Variants in HSPA9 observed in about 807,000 individuals in gnomAD.
HSPA9 encodes stress-70 protein, mitochondrial.
HSPA9 carries 28 observed loss-of-function variants against 81.5 expected under a neutral mutation model. That is an observed-to-expected ratio of 0.34 (90% confidence interval 0.25 to 0.47). The LOEUF is 0.47. Ranked by LOEUF, HSPA9 falls within the 20% of genes least tolerant of loss-of-function variation. The pLI is 1.00. For missense variants in HSPA9, 678 were observed against 838.0 expected, an observed-to-expected ratio of 0.81 and a Z score of 2.36; for synonymous variants, 293 against 290.4, an observed-to-expected ratio of 1.01 and a Z score of -0.09.
intron 9 of HSPA9, among the ~76,000 whole-genome samples, chr5:138,562,461 G>C (rs1260742593): frequency 2.0e-5 from 3 of 151,976 alleles, no homozygotes; most frequent in Non-Finnish European, 4.4e-5. Flanking sequence ...TGAGGCAGGA[G>C]AATCGCTTGA....
In HSPA9 at chr5:138,556,612, A is replaced by C; in HGVS notation, c.1822-20T>G. ...GTTGCACTTAAAAAAAGAAAACAAAAATCCTTACTTTTCCAGGTCTCCTGT... is the reference window on the plus strand; with the variant it reads ...GTTGCACTTAAAAAAAGAAAACAAACATCCTTACTTTTCCAGGTCTCCTGT... On this transcript the variant is annotated intron_variant, in intron 15 of 16. Transcript: ENST00000297185. 6.2e-7 allele frequency: 1 copy of C among 1,613,508 alleles called. No individual in the cohort carries two copies. The highest frequency in any genetic ancestry group is 8.5e-7 in the Non-Finnish European group (1 of 1,179,826).
chr5:138,571,647 AT>A (rs565771367), intron 3 of HSPA9, among the ~76,000 whole-genome samples: 2,838 of 141,290 alleles, frequency 0.02, 52 homozygotes, highest in African/African-American at 0.056. Flanking sequence ...TCAAACTACT[AT>A]TTTTTTTTTT....
chr5:138,571,263 C>A, intron 3 of HSPA9, 122 bp from the exon 4 acceptor site: 1 of 939,474 alleles, frequency 1.1e-6, no homozygotes, highest in Admixed American at 2.0e-5. Flanking sequence ...TCACTGCAAC[C>A]TCCGCATCCT....
chr5:138,566,716 T>C lies in HSPA9; in HGVS notation c.882A>G (p.Thr294=), dbSNP rs1427832169. The change falls in exon 9 of 17, where the codon ACA becomes ACG. Residue 294 remains threonine, a splice_region_variant and synonymous_variant. Transcript: ENST00000297185. Reference sequence around the variant, plus strand: ...TGTTGTCTTTAGTCAAATCAACCCCTGTCTATAAAGTGAAGACATTGAACA... The same window carrying C: ...TGTTGTCTTTAGTCAAATCAACCCCCGTCTATAAAGTGAAGACATTGAACA... ...RHIVKEFKRE[T]GVDLTKDNMA... is the part of the protein sequence containing the mutation. 3 of 1,611,798 alleles carry C rather than the reference T, an allele frequency of 1.9e-6. No homozygotes were observed. Among genetic ancestry groups the C allele is most frequent in the Non-Finnish European group, 2.5e-6 (3 of 1,178,070 alleles).
rs1433429274 is a variant in HSPA9 at position 138,566,687 on chromosome 5, G to A, written c.911C>T (p.Ala304Val). ...AGCAGCTTCCCGTACCCTCTGAAGT[G>A]CCATGTTGTCTTTAGTCAAATCAAC... Reference protein sequence around the residue: ...TGVDLTKDNMALQRVREAAEK... With the variant: ...TGVDLTKDNMVLQRVREAAEK... The change falls in exon 9 of 17, where the codon GCA becomes GTA. Residue 304 changes from alanine (A) to valine (V), a missense_variant. Physicochemically the swap from Ala to Val is moderately conservative, Grantham distance 64 (BLOSUM62 0). Transcript: ENST00000297185. The A allele has an allele frequency of 1.9e-6, 3 of 1,613,784 alleles. No homozygotes were observed. The highest frequency in any genetic ancestry group is 1.7e-5 in the Admixed American group (1 of 60,002).
At chr5:138,561,129 T>C (rs1750650407) in intron 10 of HSPA9, 1 of 471,912 alleles carries the variant, frequency 2.1e-6, no homozygotes, top group Non-Finnish European at 4.4e-6. Context: ...GTCAAAGAGA[T>C]GCACTAAGCT....
chr5:138,560,806 C>G, intron 10 of HSPA9: 1 of 394,178 alleles, frequency 2.5e-6, no homozygotes, highest in Non-Finnish European at 4.9e-6. Flanking sequence ...CCTTGGCCTC[C>G]CAAAGTGCTG....
chr5:138,564,129 A>T (rs888990126), intron 9 of HSPA9, among the ~76,000 whole-genome samples: 4 of 152,086 alleles, frequency 2.6e-5, no homozygotes, highest in African/African-American at 9.7e-5. Context: ...TTTGAGACAG[A>T]GTCTCATTCA....
At chr5:138,572,951 A>G (rs1750941264) in intron 3 of HSPA9, among the ~76,000 whole-genome samples, 1 of 151,658 alleles carries the variant, frequency 6.6e-6, no homozygotes, top group East Asian at 1.9e-4. Context: ...GCTGGAGTAC[A>G]GTGATGTGAT....
At chr5:138,557,198 C>G in intron 14 of HSPA9, 2 of 626,024 alleles carry the variant, frequency 3.2e-6, no homozygotes, top group Admixed American at 2.8e-5. Flanking sequence ...CTTTCTTGTT[C>G]AAGCGATTCT....
rs755860133 is a variant in HSPA9 at position 138,575,365 on chromosome 5, G to A, written c.-47C>T. 1.5e-4 allele frequency: 214 copies of A among 1,474,420 alleles called. No individual in the cohort carries two copies. Among genetic ancestry groups the A allele is most frequent in the Non-Finnish European group, 1.4e-4 (148 of 1,058,574 alleles). 91.3% of individuals were successfully genotyped at this position (1,474,420 alleles called of 1,614,324 possible). A position where few individuals can be genotyped will look rare whatever the true frequency, so the allele number is the denominator to read the frequency against. On this transcript the variant is annotated 5_prime_UTR_variant, in exon 1 of 17. Coordinates refer to ENST00000297185, the MANE Select transcript of HSPA9 (RefSeq NM_004134.7). ...GAGGCAGCAAACAAGCGCTCCGACG[G>A]CAAAGAGCTGCGCGATGCGGTGGCG... is the stretch of plus-strand genomic sequence containing the variant.
At chr5:138,564,303 C>T (rs537439982) in intron 9 of HSPA9, among the ~76,000 whole-genome samples, 84 of 152,274 alleles carry the variant, frequency 5.5e-4, no homozygotes, top group Non-Finnish European at 9.7e-4. Context: ...ACGGTTTCAC[C>T]GTGTTGGCGA....
rs1561862954 is a variant in HSPA9, at chr5:138,573,985, GA to G, written c.140+82del. 9.4e-6 allele frequency: 12 copies of G among 1,270,214 alleles called. No individual in the cohort carries two copies. The East Asian group carries it at 2.8e-4, about 30-fold the overall frequency. The allele number at this position is 1,270,214 out of a possible 1,614,324, so 78.7% of individuals were successfully genotyped here. ...AAATAAATACAGATAAATAATTACA[GA>G]GAAGAATAATCACAAATGTAGAAAA... On this transcript the variant is annotated intron_variant, in intron 2 of 16. Coordinates refer to ENST00000297185, the MANE Select transcript of HSPA9 (RefSeq NM_004134.7).
Position 138,574,108 on chromosome 5 carries a change from T to C in HSPA9, c.100A>G (p.Ser34Gly), listed in dbSNP as rs773861384. 6.2e-7 allele frequency: 1 copy of C among 1,613,624 alleles called. No individual in the cohort carries two copies. The highest frequency in any genetic ancestry group is 1.7e-5 in the Admixed American group (1 of 60,000). Residue 34 changes from serine to glycine, a missense_variant, in exon 2 of 17, where the codon AGT becomes GGT. Physicochemically the swap from Ser to Gly is moderately conservative, Grantham distance 56. Around this residue, in one of 4 missense-constraint regions of HSPA9, gnomAD observed 89 missense variants for 70.4 expected, o/e 1.27. Coordinates refer to ENST00000297185, the MANE Select transcript of HSPA9 (RefSeq NM_004134.7). The part of the protein sequence containing the change: ...ARHQDSWNGL[S>G]HEAFRLVSRR... ...GAAACAAGTCTAAAAGCCTCATGAC[T>C]AAGGCCATTCCAGCTATCCTAAAAA...
chr5:138,558,110 G>A, intron 12 of HSPA9, 124 bp from the exon 13 acceptor site: 1 of 747,666 alleles, frequency 1.3e-6, no homozygotes, highest in East Asian at 2.6e-5. Flanking sequence ...GTGATTTAAT[G>A]TACAAAACAC....
At chr5:138,566,188 CAAAAAAAAAA>C (rs1186233815) in intron 9 of HSPA9, among the ~76,000 whole-genome samples, 2 of 59,640 alleles carry the variant, frequency 3.4e-5, no homozygotes, top group African/African-American at 6.3e-5. Flanking sequence ...AACTCTGTCT[CAAAAAAAAAA>C]AAAAAAAAAA....
At chr5:138,556,887 A>C in intron 14 of HSPA9, 21 bp from the exon 15 acceptor site, 1 of 1,573,396 alleles carries the variant, frequency 6.4e-7, no homozygotes, top group South Asian at 1.1e-5. Flanking sequence ...TTAGAAGTTT[A>C]AACGAAGACT....
In HSPA9 at chr5:138,555,780, C is replaced by A. The variant is rs1750506663; in HGVS notation, c.*257G>T. ...AGTTAAATCTTTATAATGATCAATTCATCCTACCTCCTTTTACATGCAGCT... is the reference window on the plus strand; with the variant it reads ...AGTTAAATCTTTATAATGATCAATTAATCCTACCTCCTTTTACATGCAGCT... On this transcript the variant is annotated 3_prime_UTR_variant, in exon 17 of 17. Coordinates refer to ENST00000297185, the MANE Select transcript of HSPA9 (RefSeq NM_004134.7). 2 of 531,440 alleles carry A rather than the reference C, an allele frequency of 3.8e-6. No individual in the cohort carries two copies. The highest frequency in any genetic ancestry group is 6.7e-6 in the Non-Finnish European group (2 of 297,712). The allele number at this position is 531,440 out of a possible 1,614,324, so 32.9% of individuals were successfully genotyped here.
At chr5:138,558,069 A>T (rs925468967) in intron 12 of HSPA9, 83 bp from the exon 13 acceptor site, 2 of 919,532 alleles carry the variant, frequency 2.2e-6, no homozygotes, top group Admixed American at 1.7e-5. Flanking sequence ...GTTTTCTAGT[A>T]AACAAGTCAC....
Sources: gnomAD v4.1 joint callset for allele counts (sites outside exome capture counted in the v4.1 genomes callset) on GRCh38, gnomAD v4.1.1 for gene constraint, gnomAD v4.1.1 regional missense constraint, MANE v1.5 for transcripts, NCBI Gene and HGNC (gene_info 2026-07-23, HGNC 2026-07-21) for gene names.